Variants in GSDMB observed in about 807,000 individuals in gnomAD.
GSDMB encodes gasdermin-B.
Under a neutral mutation model 42.9 loss-of-function variants are expected in GSDMB, and 32 were observed. The ratio of observed to expected loss-of-function variants is 0.75; its 90% CI spans 0.56 to 1.00. GSDMB has a LOEUF of 1.00. Among genes scored for constraint, GSDMB ranks in the 50% least tolerant of loss-of-function variants. The probability of loss-of-function intolerance (pLI) is 0.00; values close to 1 mark genes in which losing one functional copy is unlikely to be tolerated. For missense variants in GSDMB, 468 were observed against 498.5 expected, an observed-to-expected ratio of 0.94 and a Z score of 0.58; for synonymous variants, 175 against 193.7, an observed-to-expected ratio of 0.90 and a Z score of 0.80.
Position 39,912,370 on chromosome 17 carries a change from C to T in GSDMB, c.363G>A (p.Ser121=), listed in dbSNP as rs2144699990. ...GATACTGCTGGGATATCCGGTTCTC[C>T]GATATCTTGATTTTCTGATGGTGGA... ...QGFHHQKIKI[S]ENRISQQYLA... Residue 121 remains serine (S), a synonymous_variant, in exon 3 of 11, where the codon TCG becomes TCA. Transcript: ENST00000418519. 17 of 1,613,718 alleles carry T rather than the reference C, an allele frequency of 1.1e-5. No individual in the cohort carries two copies. Among genetic ancestry groups the T allele is most frequent in the East Asian group, 4.5e-5 (2 of 44,896 alleles).
intron 9 of GSDMB, 34 bp from the exon 10 acceptor site, chr17:39,905,530 A>C: frequency 1.3e-6 from 2 of 1,544,300 alleles, no homozygotes; most frequent in Non-Finnish European, 1.8e-6. Flanking sequence ...AAAAGGAGAG[A>C]TATATGGTGG....
intron 2 of GSDMB, among the ~76,000 whole-genome samples, chr17:39,914,645 C>T (rs1239996798): frequency 6.6e-6 from 1 of 151,518 alleles, no homozygotes; most frequent in Non-Finnish European, 1.5e-5. Flanking sequence ...CACCTATAAT[C>T]CCAGCTACTC....
intron 2 of GSDMB, among the ~76,000 whole-genome samples, chr17:39,916,280 A>ATTTTTTTTT (rs3076832): frequency 5.0e-5 from 6 of 119,116 alleles, no homozygotes; most frequent in East Asian, 2.4e-4. Flanking sequence ...TTCTCATTTG[A>ATTTTTTTTT]TTTTTTTTTT....
Position 39,908,970 on chromosome 17 carries a change from T to C in GSDMB, c.649A>G (p.Lys217Glu). The change falls in exon 5 of 11, where the codon AAG becomes GAG. Residue 217 changes from lysine to glutamate, a missense_variant. Physicochemically the swap from Lys to Glu is moderately conservative, Grantham distance 56. Transcript: ENST00000418519. ...TGCCTTTGCTTACTCATCGTCTCCT[T>C]GTTGGGGAAGACAAGCTGCTTTACT... Reference protein sequence around the residue: ...YRVKQLVFPNKETMNIHFRGK... With the variant: ...YRVKQLVFPNEETMNIHFRGK... 1 of 1,601,950 alleles carries C rather than the reference T, an allele frequency of 6.2e-7. No homozygotes were observed. The highest frequency in any genetic ancestry group is 8.5e-7 in the Non-Finnish European group (1 of 1,171,868).
rs1028691526 is a variant in GSDMB at position 39,912,333 on chromosome 17, C to T, written c.400G>A (p.Glu134Lys). 5.6e-6 allele frequency: 9 copies of T among 1,613,586 alleles called. No homozygotes were observed. Among genetic ancestry groups the T allele is most frequent in the Non-Finnish European group, 7.6e-6 (9 of 1,179,786 alleles). The change falls in exon 3 of 11, where the codon GAA becomes AAA. Residue 134 changes from glutamate (E) to lysine (K), a missense_variant. Coordinates refer to ENST00000418519, the MANE Select transcript of GSDMB (RefSeq NM_001165958.2). ...RISQQYLATLENRKLKRELPF... is the reference protein window; with the variant it reads ...RISQQYLATLKNRKLKRELPF... The stretch of plus-strand genomic sequence containing the variant: ...GCCCAACTCCAACCTCACCTGTTTT[C>T]AAGGGTAGCCAGATACTGCTGGGAT...
At position 39,909,879 on chromosome 17, in the gene GSDMB, C is replaced by T. The variant is rs761547685; in HGVS notation, c.453G>A (p.Thr151=). The T allele has an allele frequency of 3.1e-6, 5 of 1,613,726 alleles. No individual in the cohort carries two copies. The highest frequency in any genetic ancestry group is 3.4e-6 in the Non-Finnish European group (4 of 1,179,606). ...ELPFSFRSIN[T]RENLYLVTET... is the part of the protein sequence containing the mutation. The stretch of plus-strand genomic sequence containing the variant: ...CTGTCACCAGATACAGGTTTTCTCT[C>T]GTATTAATTGATCGGAATGAAAAGG... The change falls in exon 4 of 11, where the codon ACG becomes ACA. Residue 151 remains threonine, a synonymous_variant. Transcript: ENST00000418519.
At chr17:39,905,252 C>T in intron 10 of GSDMB, 174 bp downstream of exon 10, 1 of 617,742 alleles carries the variant, frequency 1.6e-6, no homozygotes, top group South Asian at 2.0e-5. Flanking sequence ...GAACCCACCA[C>T]AAATTGTTCT....
At position 39,905,844 on chromosome 17, in the gene GSDMB, C is replaced by G. The variant is rs553967807; in HGVS notation, c.1027+3G>C. ...CCCAGCCTACAGCGAGACCCTTCCT[C>G]ACCTAGCAGGGCATCCAGGAAGTCC... On this transcript the variant is annotated splice_donor_region_variant and intron_variant, in intron 9 of 10. Coordinates refer to ENST00000418519, the MANE Select transcript of GSDMB (RefSeq NM_001165958.2). 1 of 1,613,310 alleles carries G rather than the reference C, an allele frequency of 6.2e-7. No homozygotes were observed. The highest frequency in any genetic ancestry group is 1.7e-5 in the Admixed American group (1 of 59,980).
chr17:39,905,329 G>A, intron 10 of GSDMB, 97 bp downstream of exon 10: 1 of 802,462 alleles, frequency 1.2e-6, no homozygotes, highest in East Asian at 2.7e-5. Flanking sequence ...GAAAACTATG[G>A]AATAAGAAGG....
chr17:39,910,713 C>T (rs1382925216), intron 3 of GSDMB, among the ~76,000 whole-genome samples: 1 of 152,178 alleles, frequency 6.6e-6, no homozygotes. Context: ...ATTCCATTCC[C>T]GCTGGGGGAA....
At chr17:39,908,820 CTTT>C in intron 5 of GSDMB, 135 bp downstream of exon 5, 1 of 689,424 alleles carries the variant, frequency 1.5e-6, no homozygotes, top group South Asian at 1.7e-5. Flanking sequence ...TGAACCCACC[CTTT>C]TCCCTGGACC....
chr17:39,910,014 G>C (rs1008723), intron 3 of GSDMB, 90 bp from the exon 4 acceptor site: 1 of 990,898 alleles, frequency 1.0e-6, no homozygotes, highest in Non-Finnish European at 1.5e-6. Flanking sequence ...AGCTCCTATT[G>C]AAGATTAATC....
Position 39,906,003 on chromosome 17 carries a change from G to A in GSDMB, c.889-18C>T, listed in dbSNP as rs769430567. 9.3e-6 allele frequency: 15 copies of A among 1,613,506 alleles called. No individual in the cohort carries two copies. In the Admixed American group the frequency reaches 1.3e-4, roughly 14 times the overall value. ...TCAGATACCTAGGGCCAGGAAGTGTGGGAGATGAGCAGCAGTCTCACCATA... is the reference window on the plus strand; with the variant it reads ...TCAGATACCTAGGGCCAGGAAGTGTAGGAGATGAGCAGCAGTCTCACCATA... On this transcript the variant is annotated intron_variant, in intron 8 of 10. Transcript: ENST00000418519.
At position 39,906,192 on chromosome 17, in the gene GSDMB, T is replaced by G. The variant is rs1165134210; in HGVS notation, c.807A>C (p.Thr269=). The part of the protein sequence containing the change: ...EDMESVLKDL[T]EEKRKDVLNS... Reference sequence around the variant, plus strand: ...TTAGCACATCTTTTCTCTTCTCCTCTGTCAGGTCCTTGAGGACACTCTCCA... The same window carrying G: ...TTAGCACATCTTTTCTCTTCTCCTCGGTCAGGTCCTTGAGGACACTCTCCA... The change falls in exon 8 of 11, where the codon ACA becomes ACC. Residue 269 remains threonine (T), a synonymous_variant. Coordinates refer to ENST00000418519, the MANE Select transcript of GSDMB (RefSeq NM_001165958.2). 27 of 1,614,054 alleles carry G rather than the reference T, an allele frequency of 1.7e-5. No homozygotes were observed. The highest frequency in any genetic ancestry group is 2.2e-5 in the Non-Finnish European group (26 of 1,179,890).
At chr17:39,910,094 G>A (rs1400442941) in intron 3 of GSDMB, among the ~76,000 whole-genome samples, 170 bp from the exon 4 acceptor site, 1 of 152,144 alleles carries the variant, frequency 6.6e-6, no homozygotes, top group Non-Finnish European at 1.5e-5. Flanking sequence ...TCGGGGTGGA[G>A]GTAGGGGTGG....
chr17:39,905,565 AC>A, intron 9 of GSDMB, 69 bp from the exon 10 acceptor site: 2 of 1,245,020 alleles, frequency 1.6e-6, no homozygotes, highest in Non-Finnish European at 2.3e-6. Context: ...GGCTGATCAC[AC>A]CCAGAACATG....
rs2063503005 is a variant in GSDMB at position 39,906,233 on chromosome 17, C to T, written c.766G>A (p.Glu256Lys). The T allele has an allele frequency of 6.2e-7, 1 of 1,614,178 alleles. No homozygotes were observed. The highest frequency in any genetic ancestry group is 1.3e-5 in the African/African-American group (1 of 75,038). ...LGSEDSRNMK[E>K]KLEDMESVLK... ...ACACTCTCCATGTCCTCCAACTTCT[C>T]CTTCATGTTTCTGGAATCCTCCGAA... The change falls in exon 8 of 11, where the codon GAG becomes AAG. Residue 256 changes from glutamate (E) to lysine (K), a missense_variant. Coordinates refer to ENST00000418519, the MANE Select transcript of GSDMB (RefSeq NM_001165958.2).
chr17:39,910,237 T>A (rs1876215057), intron 3 of GSDMB, among the ~76,000 whole-genome samples: 1 of 152,046 alleles, frequency 6.6e-6, no homozygotes, highest in Admixed American at 6.5e-5. Context: ...GACAGGAGAA[T>A]CACTTGAACC....
chr17:39,906,631 C>T (rs1233481899), intron 7 of GSDMB: 31 of 1,301,320 alleles, frequency 2.4e-5, no homozygotes, highest in Non-Finnish European at 2.7e-5. Context: ...CAGTGGTTCT[C>T]AACCTTGACT....
Sources: allele counts gnomAD v4.1 joint callset (sites outside exome capture counted in the v4.1 genomes callset), GRCh38; gene constraint gnomAD v4.1.1; transcripts MANE v1.5; gene names NCBI Gene and HGNC (gene_info 2026-07-23, HGNC 2026-07-21).